Variants in COG5 observed in about 807,000 individuals in gnomAD.
The protein encoded by COG5 is conserved oligomeric Golgi complex subunit 5.
In COG5, 86 loss-of-function variants were observed where a neutral mutation model predicts 110.4. The observed-to-expected ratio is 0.78, with a 90% confidence interval of 0.65 to 0.93. The LOEUF (loss-of-function observed/expected upper bound fraction) is 0.93, where lower values mean the gene tolerates loss of function less well. COG5 is among the 40% of genes least tolerant of loss of function. The pLI is 0.00. For synonymous variants in COG5, 360 were observed against 334.6 expected (o/e 1.08, Z -0.83); for missense variants, 1,077 against 987.0 (o/e 1.09, Z -1.22).
chr7:107,253,794 T>C (rs756557297), intron 16 of COG5, among the ~76,000 whole-genome samples: 1 of 152,170 alleles, frequency 6.6e-6, no homozygotes, highest in Non-Finnish European at 1.5e-5. Flanking sequence ...CTGTGACTAT[T>C]ACAAGCCTGT....
At chr7:107,342,832 A>G (rs1437036792) in intron 10 of COG5, among the ~76,000 whole-genome samples, 2 of 152,234 alleles carry the variant, frequency 1.3e-5, no homozygotes, top group Non-Finnish European at 2.9e-5. Flanking sequence ...AACTTAAAAC[A>G]GAACTACTAT....
intron 6 of COG5, among the ~76,000 whole-genome samples, chr7:107,506,940 A>G (rs1029677285): frequency 9.9e-5 from 15 of 152,222 alleles, no homozygotes; most frequent in Non-Finnish European, 2.2e-4. Context: ...CATGAGATAC[A>G]CTGTGAGGCA....
Position 107,379,598 on chromosome 7 carries a change from C to CAA in COG5, c.670-6840_670-6839dup, listed in dbSNP as rs200972977. On this transcript the variant is annotated intron_variant, in intron 7 of 21. Transcript: ENST00000297135. Reference sequence around the variant, plus strand: ...GAATATTTACCAAGCAAATGGAAAGCAAAAAAAAAAAAAAAAAGCGGGGGT... The same window carrying CAA: ...GAATATTTACCAAGCAAATGGAAAGCAAAAAAAAAAAAAAAAAAAGCGGGGGT... Among the ~76,000 whole-genome samples, 182 of 73,126 alleles carry CAA rather than the reference C, an allele frequency of 2.5e-3. 1 individual carries two copies. Among genetic ancestry groups the CAA allele is most frequent in the East Asian group, 9.0e-3 (26 of 2,902 alleles). The allele number at this position is 73,126 out of a possible 152,430, so 48.0% of individuals were successfully genotyped here.
intron 6 of COG5, among the ~76,000 whole-genome samples, chr7:107,510,044 T>G (rs1183150101): frequency 2.6e-5 from 4 of 152,012 alleles, no homozygotes; most frequent in African/African-American, 4.8e-5. Flanking sequence ...AATACACACA[T>G]AACAATATTA....
At position 107,499,396 on chromosome 7, in the gene COG5, G is replaced by A. The variant is rs112196580; in HGVS notation, c.538+27841C>T. On this transcript the variant is annotated intron_variant, in intron 6 of 21. Coordinates refer to ENST00000297135, the MANE Select transcript of COG5 (RefSeq NM_006348.5). ...TCCAGAAAAGTTTAAAAAACAAAGG[G>A]AAGAGGAGTAAATTTTTTTTTTTTT... Among the ~76,000 whole-genome samples the A allele has an allele frequency of 2.0e-3, 293 of 149,218 alleles. 5 individuals are homozygous for A. Among genetic ancestry groups the A allele is most frequent in the African/African-American group, 7.1e-3 (284 of 40,050 alleles).
chr7:107,219,258 C>G (rs1799733025), intron 19 of COG5, among the ~76,000 whole-genome samples: 1 of 152,104 alleles, frequency 6.6e-6, no homozygotes, highest in South Asian at 2.1e-4. Context: ...ATTAATACAA[C>G]CATTTTGGAA....
chr7:107,404,541 A>AT (rs1394054739), intron 7 of COG5, among the ~76,000 whole-genome samples: 1 of 152,192 alleles, frequency 6.6e-6, no homozygotes. Flanking sequence ...TATTCCAGGC[A>AT]TAAAAAGAGT....
At chr7:107,452,266 C>T (rs1563043577) in intron 6 of COG5, among the ~76,000 whole-genome samples, 2 of 152,236 alleles carry the variant, frequency 1.3e-5, no homozygotes, top group African/African-American at 2.4e-5. Flanking sequence ...AAATACAAGT[C>T]GGATTACATT....
intron 6 of COG5, among the ~76,000 whole-genome samples, chr7:107,484,618 C>T (rs1336045745): frequency 6.6e-6 from 1 of 152,148 alleles, no homozygotes; most frequent in Non-Finnish European, 1.5e-5. Flanking sequence ...CTTAATGATA[C>T]CTTAAGTCTC....
intron 6 of COG5, among the ~76,000 whole-genome samples, chr7:107,482,322 A>AT (rs1329746749): frequency 6.6e-6 from 1 of 151,456 alleles, no homozygotes; most frequent in Non-Finnish European, 1.5e-5. Flanking sequence ...AAAAAAAAAA[A>AT]TTTTGTAGAG....
intron 6 of COG5, chr7:107,475,312 G>C: frequency 1.3e-6 from 2 of 1,579,136 alleles, no homozygotes; most frequent in South Asian, 1.2e-5. Context: ...TACCTTTGAA[G>C]ATAGTGAAAT....
intron 7 of COG5, among the ~76,000 whole-genome samples, chr7:107,391,501 T>C (rs1420880300): frequency 6.6e-6 from 1 of 152,194 alleles, no homozygotes; most frequent in African/African-American, 2.4e-5. Context: ...GTCCCATTTG[T>C]CTATTTTTGC....
At chr7:107,542,008 T>G (rs112335317) in intron 5 of COG5, among the ~76,000 whole-genome samples, 1 of 151,666 alleles carries the variant, frequency 6.6e-6, no homozygotes, top group Admixed American at 6.6e-5. Flanking sequence ...TTAAAAAGAT[T>G]AGTAAATTTA....
intron 14 of COG5, 178 bp from the exon 15 acceptor site, chr7:107,258,561 G>T (rs1803069879): frequency 3.2e-6 from 2 of 621,376 alleles, no homozygotes; most frequent in African/African-American, 3.7e-5. Context: ...TAAAGCTTTG[G>T]ACTTGAGGTA....
chr7:107,407,439 A>G (rs1355646439), intron 7 of COG5, among the ~76,000 whole-genome samples: 1 of 152,154 alleles, frequency 6.6e-6, no homozygotes, highest in Non-Finnish European at 1.5e-5. Context: ...TTATCCAATT[A>G]TTTAATATTT....
At chr7:107,554,403 A>G in intron 2 of COG5, 61 bp from the exon 3 acceptor site, 1 of 1,365,100 alleles carries the variant, frequency 7.3e-7, no homozygotes, top group Non-Finnish European at 1.0e-6. Context: ...TTGTAACCAC[A>G]ATGTAGAATG....
chr7:107,239,102 T>C (rs925063425), intron 17 of COG5, among the ~76,000 whole-genome samples: 3 of 152,238 alleles, frequency 2.0e-5, no homozygotes, highest in African/African-American at 7.2e-5. Flanking sequence ...AGGTGTTACA[T>C]TTAAGTTCTT....
At chr7:107,498,787 C>T (rs1798440700) in intron 6 of COG5, among the ~76,000 whole-genome samples, 2 of 152,174 alleles carry the variant, frequency 1.3e-5, no homozygotes, top group African/African-American at 2.4e-5. Context: ...AGCAGTCCCA[C>T]TTCTGGGTTT....
chr7:107,548,243 C>T, intron 4 of COG5, 35 bp downstream of exon 4: 1 of 1,599,654 alleles, frequency 6.3e-7, no homozygotes, highest in Non-Finnish European at 8.6e-7. Context: ...TAAAAACATT[C>T]CCATTCCATT....
Sources: allele counts gnomAD v4.1 joint callset (sites outside exome capture counted in the v4.1 genomes callset), GRCh38; gene constraint gnomAD v4.1.1; transcripts MANE v1.5; gene names NCBI Gene and HGNC (gene_info 2026-07-23, HGNC 2026-07-21).